The following FOXP1 variants were observed in gnomAD, a reference collection of about 807,000 sequenced individuals.
FOXP1 encodes forkhead box P1.
A neutral mutation model predicts 98.2 loss-of-function variants in FOXP1; 15 were observed. That is an observed-to-expected ratio of 0.15 (90% confidence interval 0.10 to 0.24). The LOEUF (loss-of-function observed/expected upper bound fraction) is 0.24. FOXP1 is among the 10% of genes least tolerant of loss of function. The pLI is 1.00. For synonymous variants in FOXP1, 371 were observed against 314.5 expected (o/e 1.18, Z -1.90); for missense variants, 633 against 848.5 (o/e 0.75, Z 3.15).
At chr3:71,190,638 CAAAAAAAAAAAAAAAA>C (rs55747148) in intron 6 of FOXP1, among the ~76,000 whole-genome samples, 2 of 43,496 alleles carry the variant, frequency 4.6e-5, no homozygotes, top group Non-Finnish European at 8.4e-5. Context: ...ACCCCATCTC[CAAAAAAAAAAAAAAAA>C]AAAAAAAGAA....
chr3:71,053,783 T>C lies in FOXP1; in HGVS notation c.283-10A>G. 1 of 1,613,944 alleles carries C rather than the reference T, an allele frequency of 6.2e-7. No homozygotes were observed. The highest frequency in any genetic ancestry group is 8.5e-7 in the Non-Finnish European group (1 of 1,179,928). ...CCACTGACACGGGAACCTAGAATGT[T>C]AATGAAGGATAAATAGGAAGCCAGG... On this transcript the variant is annotated splice_polypyrimidine_tract_variant and intron_variant, in intron 7 of 20. Transcript: ENST00000649528.
intron 5 of FOXP1, among the ~76,000 whole-genome samples, chr3:71,298,431 C>T (rs1338948222): frequency 6.6e-6 from 1 of 151,896 alleles, no homozygotes; most frequent in African/African-American, 2.4e-5. Context: ...CGCCACTGCA[C>T]TCCAGCCTGG....
At position 71,263,812 on chromosome 3, in the gene FOXP1, A is replaced by G. The variant is rs537027930; in HGVS notation, c.-12+36008T>C. Reference sequence around the variant, plus strand: ...ACGCTGGAGTGCAATGGAGTGATTCACGGCTCACTACAGCCTCGACTTCCC... The same window carrying G: ...ACGCTGGAGTGCAATGGAGTGATTCGCGGCTCACTACAGCCTCGACTTCCC... On this transcript the variant is annotated intron_variant, in intron 5 of 20. Transcript: ENST00000649528. 1.8e-4 allele frequency among the ~76,000 whole-genome samples: 28 copies of G among 151,704 alleles called. No individual in the cohort carries two copies. In the South Asian group the frequency reaches 3.3e-3, roughly 18 times the overall value.
intron 7 of FOXP1, among the ~76,000 whole-genome samples, chr3:71,098,354 C>G (rs1162136875): frequency 1.3e-5 from 2 of 151,986 alleles, no homozygotes. Context: ...AATATTATAC[C>G]TTAAATGGAT....
At chr3:71,422,126 C>T (rs549458084) in intron 3 of FOXP1, among the ~76,000 whole-genome samples, 14 of 152,282 alleles carry the variant, frequency 9.2e-5, no homozygotes, top group African/African-American at 3.4e-4. Flanking sequence ...ATTAACTCAC[C>T]CGCTAGTTTC....
chr3:71,196,771 C>T (rs1398164960), intron 6 of FOXP1, among the ~76,000 whole-genome samples: 1 of 152,192 alleles, frequency 6.6e-6, no homozygotes, highest in Non-Finnish European at 1.5e-5. Context: ...TGGCCATCTG[C>T]ACTAACTTAA....
chr3:71,537,036 G>A (rs909944685), intron 2 of FOXP1, among the ~76,000 whole-genome samples: 5 of 152,176 alleles, frequency 3.3e-5, no homozygotes, highest in African/African-American at 9.7e-5. Flanking sequence ...TGGGAAAGGC[G>A]AGTAGAAGAC....
Position 70,958,414 on chromosome 3 carries a change from C to A in FOXP1, c.*833G>T. The A allele has an allele frequency of 4.3e-6, 2 of 466,572 alleles. No individual in the cohort carries two copies. Among genetic ancestry groups the A allele is most frequent in the Non-Finnish European group, 8.3e-6 (2 of 240,522 alleles). 28.9% of individuals were successfully genotyped at this position (466,572 alleles called of 1,614,324 possible). ...GCATTTGGGACCTTTTTGAAAAAGA[C>A]CAAAACGGAATGTTTTCTGACTTTA... On this transcript the variant is annotated 3_prime_UTR_variant, in exon 21 of 21. Coordinates refer to ENST00000649528, the MANE Select transcript of FOXP1 (RefSeq NM_001349338.3).
At chr3:71,150,104 G>C (rs963366361) in intron 6 of FOXP1, among the ~76,000 whole-genome samples, 22 of 152,314 alleles carry the variant, frequency 1.4e-4, no homozygotes, top group African/African-American at 5.1e-4. Flanking sequence ...GCTTGACGCA[G>C]ATTCTGATGC....
At chr3:71,316,685 G>T (rs1268064814) in intron 4 of FOXP1, among the ~76,000 whole-genome samples, 3 of 149,388 alleles carry the variant, frequency 2.0e-5, no homozygotes, top group Non-Finnish European at 3.0e-5. Flanking sequence ...TTGAGATGGA[G>T]TCTTGCTCTG....
rs2060818908 is a variant in FOXP1, at chr3:71,156,268, T to C, written c.180+41934A>G. On this transcript the variant is annotated intron_variant, in intron 6 of 20. Coordinates refer to ENST00000649528, the MANE Select transcript of FOXP1 (RefSeq NM_001349338.3). ...CTCTGGGAATGAAGGATGGGTCCTCTTCCTCATTCCTGCTCTCTTACCTTC... is the reference window on the plus strand; with the variant it reads ...CTCTGGGAATGAAGGATGGGTCCTCCTCCTCATTCCTGCTCTCTTACCTTC... Among the ~76,000 whole-genome samples, 3 of 152,284 alleles carry C rather than the reference T, an allele frequency of 2.0e-5. No homozygotes were observed. The South Asian group carries it at 6.2e-4, about 32-fold the overall frequency.
chr3:71,328,958 C>A (rs1016895350), intron 4 of FOXP1, among the ~76,000 whole-genome samples: 3 of 119,810 alleles, frequency 2.5e-5, no homozygotes, highest in Non-Finnish European at 4.9e-5. Context: ...GCAACAAGAG[C>A]GAAACTCCAT....
At chr3:71,393,820 C>A (rs896756562) in intron 3 of FOXP1, among the ~76,000 whole-genome samples, 2 of 152,184 alleles carry the variant, frequency 1.3e-5, no homozygotes, top group African/African-American at 2.4e-5. Context: ...TCTTGGAGAA[C>A]CTGACCTATG....
intron 4 of FOXP1, among the ~76,000 whole-genome samples, chr3:71,349,822 T>A (rs1284277547): frequency 6.6e-6 from 1 of 152,192 alleles, no homozygotes; most frequent in African/African-American, 2.4e-5. Context: ...GTGTTTCACA[T>A]GCTCCAGATG....
At chr3:71,492,918 AC>A (rs776050010) in intron 3 of FOXP1, among the ~76,000 whole-genome samples, 1 of 152,204 alleles carries the variant, frequency 6.6e-6, no homozygotes, top group Non-Finnish European at 1.5e-5. Context: ...AAATTATGAT[AC>A]AAAAAAATTT....
intron 11 of FOXP1, among the ~76,000 whole-genome samples, chr3:71,028,217 T>C (rs1320346549): frequency 2.0e-5 from 3 of 152,210 alleles, no homozygotes; most frequent in Admixed American, 1.3e-4. Flanking sequence ...CTCTCTGAAA[T>C]GTTGAGTCTT....
At chr3:71,550,724 T>C (rs1483404837) in intron 2 of FOXP1, among the ~76,000 whole-genome samples, 11 of 152,228 alleles carry the variant, frequency 7.2e-5, no homozygotes, top group Admixed American at 5.9e-4. Context: ...GTTCAAACCC[T>C]TAAGATCAGT....
At chr3:71,551,233 A>G (rs1315244230) in intron 2 of FOXP1, among the ~76,000 whole-genome samples, 1 of 152,214 alleles carries the variant, frequency 6.6e-6, no homozygotes, top group Non-Finnish European at 1.5e-5. Context: ...TCAAGGTTCC[A>G]TCCACAAAAA....
chr3:71,411,050 T>C (rs1033297595), intron 3 of FOXP1, among the ~76,000 whole-genome samples: 2 of 152,208 alleles, frequency 1.3e-5, no homozygotes, highest in Non-Finnish European at 2.9e-5. Flanking sequence ...CATGCAAAGA[T>C]GTAATTGAAT....
Sources: allele counts gnomAD v4.1 joint callset (sites outside exome capture counted in the v4.1 genomes callset), GRCh38; gene constraint gnomAD v4.1.1; transcripts MANE v1.5; gene names NCBI Gene and HGNC (gene_info 2026-07-23, HGNC 2026-07-21).